ME3: variants seen among roughly 807,000 people sequenced by gnomAD.
The protein encoded by ME3 is NADP-dependent malic enzyme, mitochondrial.
ME3 carries 48 observed loss-of-function variants against 68.9 expected under a neutral mutation model. That is an observed-to-expected ratio of 0.70 (90% CI 0.55 to 0.89). The LOEUF (loss-of-function observed/expected upper bound fraction) is 0.89, where lower values mean the gene tolerates loss of function less well. Among genes scored for constraint, ME3 ranks in the 40% least tolerant of loss-of-function variants. The pLI, the probability that ME3 is intolerant of heterozygous loss-of-function variation, is 0.00. For synonymous variants in ME3, 320 were observed against 318.8 expected (o/e 1.00, Z -0.04); for missense variants, 675 against 797.4 (o/e 0.85, Z 1.85).
At chr11:86,648,018 C>A (rs1347262710) in intron 2 of ME3, among the ~76,000 whole-genome samples, 1 of 152,180 alleles carries the variant, frequency 6.6e-6, no homozygotes, top group Non-Finnish European at 1.5e-5. Context: ...GTAAAATACT[C>A]CTCAGCAAAT....
At chr11:86,640,233 T>C (rs1944583281) in intron 2 of ME3, among the ~76,000 whole-genome samples, 1 of 152,230 alleles carries the variant, frequency 6.6e-6, no homozygotes, top group Non-Finnish European at 1.5e-5. Context: ...CATAGGATGC[T>C]GCAATCAGAG....
chr11:86,585,101 A>G (rs1427620177), intron 2 of ME3, among the ~76,000 whole-genome samples: 1 of 151,934 alleles, frequency 6.6e-6, no homozygotes, highest in African/African-American at 2.4e-5. Flanking sequence ...CAAGGCTTGG[A>G]AAAGGGAAGG....
intron 2 of ME3, among the ~76,000 whole-genome samples, chr11:86,659,441 C>T (rs780102361): frequency 3.3e-5 from 5 of 152,164 alleles, no homozygotes; most frequent in Non-Finnish European, 7.3e-5. Context: ...ACATCAACCC[C>T]TCAGGGCCTC....
chr11:86,574,412 TGTC>T (rs1565159348), intron 2 of ME3, among the ~76,000 whole-genome samples: 4 of 63,696 alleles, frequency 6.3e-5, no homozygotes, highest in Admixed American at 6.0e-4. Context: ...GGGGGGGGGG[TGTC>T]TTTTTTGTTG....
intron 2 of ME3, among the ~76,000 whole-genome samples, chr11:86,661,357 T>C (rs965847320): frequency 6.6e-6 from 1 of 152,214 alleles, no homozygotes; most frequent in Non-Finnish European, 1.5e-5. Context: ...GGATCCGGTA[T>C]GGATGGGGCA....
chr11:86,476,040 A>C (rs1164156034), intron 7 of ME3, among the ~76,000 whole-genome samples: 1 of 152,056 alleles, frequency 6.6e-6, no homozygotes, highest in African/African-American at 2.4e-5. Flanking sequence ...TAAAATCCTC[A>C]TTAACTTCCT....
At chr11:86,534,033 C>T (rs1465855332) in intron 4 of ME3, among the ~76,000 whole-genome samples, 1 of 151,328 alleles carries the variant, frequency 6.6e-6, no homozygotes, top group Non-Finnish European at 1.5e-5. Flanking sequence ...ACTATCTGAA[C>T]ACCCAAACAT....
intron 2 of ME3, among the ~76,000 whole-genome samples, chr11:86,649,797 A>C (rs1166706566): frequency 6.6e-6 from 1 of 152,260 alleles, no homozygotes; most frequent in African/African-American, 2.4e-5. Flanking sequence ...CCACCGCTTA[A>C]GGAAATCAGA....
chr11:86,598,135 C>G (rs1193574314), intron 2 of ME3, among the ~76,000 whole-genome samples: 1 of 152,168 alleles, frequency 6.6e-6, no homozygotes, highest in Non-Finnish European at 1.5e-5. Context: ...CCAGCCGAAG[C>G]AGGGCAAGGC....
At chr11:86,613,127 G>T (rs922283308) in intron 2 of ME3, among the ~76,000 whole-genome samples, 2 of 152,106 alleles carry the variant, frequency 1.3e-5, no homozygotes, top group Non-Finnish European at 2.9e-5. Flanking sequence ...TCTGCATATG[G>T]CTAGCCAGTT....
intron 2 of ME3, among the ~76,000 whole-genome samples, chr11:86,660,803 A>G (rs1204906802): frequency 6.6e-6 from 1 of 151,632 alleles, no homozygotes; most frequent in East Asian, 1.9e-4. Flanking sequence ...TCTTTAGAGG[A>G]AGTGCACCTG....
chr11:86,499,104 C>T (rs977138538), intron 5 of ME3, among the ~76,000 whole-genome samples: 3 of 152,122 alleles, frequency 2.0e-5, no homozygotes, highest in East Asian at 1.9e-4. Flanking sequence ...CACACATGCC[C>T]TACCTTGGAC....
At chr11:86,484,136 GTA>G (rs1951565156) in intron 7 of ME3, among the ~76,000 whole-genome samples, 1 of 152,194 alleles carries the variant, frequency 6.6e-6, no homozygotes, top group African/African-American at 2.4e-5. Context: ...CTGAGCCATA[GTA>G]AGTTTATTTC....
chr11:86,636,998 G>A (rs987478405), intron 2 of ME3, among the ~76,000 whole-genome samples: 2 of 152,112 alleles, frequency 1.3e-5, no homozygotes, highest in Non-Finnish European at 2.9e-5. Flanking sequence ...GGACAAGTGC[G>A]TTAAGAATCT....
intron 6 of ME3, among the ~76,000 whole-genome samples, chr11:86,491,330 G>C (rs1951997905): frequency 6.6e-6 from 1 of 152,182 alleles, no homozygotes; most frequent in South Asian, 2.1e-4. Flanking sequence ...GATATTGTGG[G>C]GGCCAGGGAA....
At chr11:86,551,403 G>C (rs913715829) in intron 4 of ME3, among the ~76,000 whole-genome samples, 1 of 152,118 alleles carries the variant, frequency 6.6e-6, no homozygotes, top group Non-Finnish European at 1.5e-5. Context: ...CCAAGTGTGA[G>C]AGTGTGTGTG....
At chr11:86,539,761 T>A (rs1421832175) in intron 4 of ME3, among the ~76,000 whole-genome samples, 1 of 152,200 alleles carries the variant, frequency 6.6e-6, no homozygotes, top group African/African-American at 2.4e-5. Flanking sequence ...TTCTTTGTCC[T>A]TTTAATCTTT....
chr11:86,503,287 C>G (rs1952846402), intron 5 of ME3, among the ~76,000 whole-genome samples: 1 of 152,216 alleles, frequency 6.6e-6, no homozygotes, highest in African/African-American at 2.4e-5. Context: ...ATGTGCTGCC[C>G]AGATCCTCCT....
intron 2 of ME3, among the ~76,000 whole-genome samples, chr11:86,600,649 A>C (rs2135112013): frequency 6.6e-6 from 1 of 151,932 alleles, no homozygotes; most frequent in South Asian, 2.1e-4. Context: ...CAGAATATAC[A>C]TTTTTTTCAG....
Sources: allele counts gnomAD v4.1 joint callset (sites outside exome capture counted in the v4.1 genomes callset), GRCh38; gene constraint gnomAD v4.1.1; transcripts MANE v1.5; gene names NCBI Gene and HGNC (gene_info 2026-07-23, HGNC 2026-07-21).